CDKL3: variants seen among roughly 807,000 people sequenced by gnomAD.
The protein encoded by CDKL3 is cyclin dependent kinase like 3, also known as cyclin-dependent kinase-like 3.
CDKL3 carries 65 observed loss-of-function variants against 69.3 expected under a neutral mutation model. The observed-to-expected ratio is 0.94, with a 90% CI of 0.77 to 1.15. The LOEUF is 1.15. Ranked by LOEUF, CDKL3 falls within the 50% of genes most tolerant of loss-of-function variation. The probability of loss-of-function intolerance (pLI) is 0.00; values close to 1 mark genes in which losing one functional copy is unlikely to be tolerated. For synonymous variants in CDKL3, 202 were observed against 221.6 expected, an observed-to-expected ratio of 0.91 and a Z score of 0.79; for missense variants, 652 against 689.2, an observed-to-expected ratio of 0.95 and a Z score of 0.61.
At chr5:134,371,596 A>G, upstream of CDKL3, 1 of 1,612,146 alleles carries the variant, frequency 6.2e-7, no homozygotes, top group Non-Finnish European at 8.5e-7. Flanking sequence ...GCTGCGGAGC[A>G]TGTCGACCCC....
chr5:134,308,503 C>G (rs746069659), intron 8 of CDKL3, 37 bp from the exon 9 acceptor site: 1 of 1,559,026 alleles, frequency 6.4e-7, no homozygotes, highest in Admixed American at 2.0e-5. Flanking sequence ...GTCATCATAA[C>G]AGTTATTTTT....
chr5:134,316,264 T>C (rs1771030778), intron 6 of CDKL3, among the ~76,000 whole-genome samples: 1 of 152,086 alleles, frequency 6.6e-6, no homozygotes, highest in Non-Finnish European at 1.5e-5. Flanking sequence ...CTTCTAGTAA[T>C]TTCTCCTAAA....
At chr5:134,306,466 C>A in intron 10 of CDKL3, 143 bp downstream of exon 10, 1 of 582,880 alleles carries the variant, frequency 1.7e-6, no homozygotes. Context: ...CACTGCACTC[C>A]AGTCTGGGCA....
chr5:134,368,618 C>CAAA (rs11339001), upstream of CDKL3, among the ~76,000 whole-genome samples: 676 of 69,196 alleles, frequency 9.8e-3, no homozygotes, highest in African/African-American at 0.011. Context: ...GACTCCATCT[C>CAAA]AAAAAAAAAA....
In CDKL3 at chr5:134,306,712, A is replaced by T. The variant is rs753753826; in HGVS notation, c.1365-10T>A. On this transcript the variant is annotated splice_polypyrimidine_tract_variant and intron_variant, in intron 9 of 12. Coordinates refer to ENST00000265334, the MANE Select transcript of CDKL3 (RefSeq NM_001113575.2). ...TGCTCTTTCAGTTAACCTATTATTT[A>T]AAAATGAATGAGAAGTTACTAAAAC... The T allele has an allele frequency of 4.1e-6, 6 of 1,455,116 alleles. No individual in the cohort carries two copies. In the East Asian group the frequency reaches 1.5e-4, roughly 35 times the overall value. 90.1% of individuals were successfully genotyped at this position (1,455,116 alleles called of 1,614,324 possible). A position where few individuals can be genotyped will look rare whatever the true frequency, so the allele number is the denominator to read the frequency against.
At chr5:134,365,120 C>G (rs1171526599) in intron 2 of CDKL3, among the ~76,000 whole-genome samples, 1 of 151,824 alleles carries the variant, frequency 6.6e-6, no homozygotes, top group Non-Finnish European at 1.5e-5. Flanking sequence ...GTAGCTGGGA[C>G]CACAAGCACC....
chr5:134,326,843 A>G lies in CDKL3; in HGVS notation c.540-4940T>C, dbSNP rs867064738. ...TATATATATATATATATATATATAT[A>G]TATATATATATATATATATATATAC... On this transcript the variant is annotated intron_variant, in intron 4 of 12. Coordinates refer to ENST00000265334, the MANE Select transcript of CDKL3 (RefSeq NM_001113575.2). Among the ~76,000 whole-genome samples, 297 of 128,648 alleles carry G rather than the reference A, an allele frequency of 2.3e-3. 8 individuals carry two copies. The Middle Eastern group carries it at 0.024, about 10-fold the overall frequency. The allele number at this position is 128,648 out of a possible 152,430, so 84.4% of individuals were successfully genotyped here. A position where few individuals can be genotyped will look rare whatever the true frequency, so the allele number is the denominator to read the frequency against.
At chr5:134,366,847 C>T in intron 1 of CDKL3, 130 bp downstream of exon 1, 1 of 982,262 alleles carries the variant, frequency 1.0e-6, no homozygotes, top group Non-Finnish European at 1.2e-6. Flanking sequence ...GGGGTCCCTA[C>T]ACTTCCTGTC....
intron 6 of CDKL3, among the ~76,000 whole-genome samples, chr5:134,318,219 CAAAAAA>C (rs1241147051): frequency 1.1e-3 from 130 of 118,746 alleles, no homozygotes; most frequent in African/African-American, 3.6e-3. Flanking sequence ...AACTCCGTCT[CAAAAAA>C]AAAACAAAAA....
At chr5:134,354,496 C>G (rs903989767) in intron 3 of CDKL3, among the ~76,000 whole-genome samples, 1 of 152,108 alleles carries the variant, frequency 6.6e-6, no homozygotes, top group Non-Finnish European at 1.5e-5. Flanking sequence ...TTAGGGTAAG[C>G]CTTTCTAATT....
At position 134,305,107 on chromosome 5, in the gene CDKL3, C is replaced by A. The variant is rs191573969; in HGVS notation, c.1459-540G>T. 5.0e-4 allele frequency among the ~76,000 whole-genome samples: 75 copies of A among 150,010 alleles called. 1 individual carries two copies. Among genetic ancestry groups the A allele is most frequent in the African/African-American group, 1.6e-3 (65 of 40,888 alleles). On this transcript the variant is annotated intron_variant, in intron 10 of 12. Coordinates refer to ENST00000265334, the MANE Select transcript of CDKL3 (RefSeq NM_001113575.2). ...ACAAACATGAGCCACTGCATCTGGCCTTATTATTATTATTATTATTATTAT... is the reference window on the plus strand; with the variant it reads ...ACAAACATGAGCCACTGCATCTGGCATTATTATTATTATTATTATTATTAT...
Position 134,308,143 on chromosome 5 carries a change from A to G in CDKL3, c.1359T>C (p.Ser453=). The G allele has an allele frequency of 6.2e-7, 1 of 1,610,570 alleles. No individual in the cohort carries two copies. ...ANLSSNLFHP[S]VRLTERAKKR... The stretch of plus-strand genomic sequence containing the variant: ...TCTTCTCTGTTACAGCTCACCTCAC[A>G]CTGGGGTGAAAGAGATTTGAACTGA... The change falls in exon 9 of 13, where the codon AGT becomes AGC. Residue 453 remains serine (S), a synonymous_variant. Coordinates refer to ENST00000265334, the MANE Select transcript of CDKL3 (RefSeq NM_001113575.2).
chr5:134,352,653 T>G (rs1332068472), intron 3 of CDKL3, among the ~76,000 whole-genome samples: 1 of 152,140 alleles, frequency 6.6e-6, no homozygotes, highest in East Asian at 1.9e-4. Flanking sequence ...TTTGCCATGT[T>G]GCCTGGTCTG....
rs532251891 is a variant in CDKL3, at chr5:134,306,473, G to A, written c.1458+136C>T. 3 of 603,174 alleles carry A rather than the reference G, an allele frequency of 5.0e-6. No individual in the cohort carries two copies. The East Asian group carries it at 9.6e-5, about 19-fold the overall frequency. The allele number at this position is 603,174 out of a possible 1,614,324, so 37.4% of individuals were successfully genotyped here. On this transcript the variant is annotated intron_variant, in intron 10 of 12. Coordinates refer to ENST00000265334, the MANE Select transcript of CDKL3 (RefSeq NM_001113575.2). ...GATCGTACCACTGCACTCCAGTCTG[G>A]GCAACAGAGAGAGATCCTCTCTCAA...
At chr5:134,358,274 G>A (rs1755103618) in intron 3 of CDKL3, among the ~76,000 whole-genome samples, 1 of 151,950 alleles carries the variant, frequency 6.6e-6, no homozygotes, top group African/African-American at 2.4e-5. Context: ...CCCTGCTCCG[G>A]TCTACTTCTA....
intron 4 of CDKL3, among the ~76,000 whole-genome samples, chr5:134,335,669 C>T (rs4410684): frequency 0.99 from 150,445 of 152,250 alleles, 74,353 homozygotes; most frequent in Middle Eastern, 1. Flanking sequence ...TTCTGGCTTG[C>T]AGGGTTTCTG....
chr5:134,331,834 G>A (rs1409345294), intron 4 of CDKL3, among the ~76,000 whole-genome samples: 1 of 152,030 alleles, frequency 6.6e-6, no homozygotes, highest in Non-Finnish European at 1.5e-5. Flanking sequence ...GGGATTGCTG[G>A]GTCAAATGGT....
Position 134,292,890 on chromosome 5 carries a change from A to G in CDKL3, c.*678-6331T>C, listed in dbSNP as rs1765179314. On this transcript the variant is annotated intron_variant and NMD_transcript_variant, in intron 8 of 8. Transcript: ENST00000519312. The stretch of plus-strand genomic sequence containing the variant: ...AAGAAGCAAACAAATGGATACAAGG[A>G]AGAAAAGAAAATCTGAATATCTCTA... Among the ~76,000 whole-genome samples the G allele has an allele frequency of 2.6e-5, 4 of 152,012 alleles. No homozygotes were observed. The South Asian group carries it at 8.3e-4, about 31-fold the overall frequency.
chr5:134,332,664 GGTACCAGTACCATGCTATTTTGA>G (rs1776088743), intron 4 of CDKL3, among the ~76,000 whole-genome samples: 1 of 152,080 alleles, frequency 6.6e-6, no homozygotes, highest in African/African-American at 2.4e-5. Flanking sequence ...TATCTGTTTT[GGTACCAGTACCATGCTATTTTGA>G]TTACTGTAGC....
Sources: gnomAD v4.1 joint callset for allele counts (sites outside exome capture counted in the v4.1 genomes callset) on GRCh38, gnomAD v4.1.1 for gene constraint, MANE v1.5 for transcripts, NCBI Gene and HGNC (gene_info 2026-07-23, HGNC 2026-07-21) for gene names.